Variants in SNX10 observed in about 807,000 individuals in gnomAD.
SNX10 encodes the protein sorting nexin 10.
Under a neutral mutation model 28.5 loss-of-function variants are expected in SNX10, and 25 were observed. The observed-to-expected ratio is 0.88, with a 90% confidence interval of 0.64 to 1.22. SNX10 has a LOEUF of 1.22. Ranked by LOEUF, SNX10 falls within the 50% of genes most tolerant of loss-of-function variation. The pLI is 0.00. For missense variants in SNX10, 223 were observed against 242.6 expected, an observed-to-expected ratio of 0.92 and a Z score of 0.54; for synonymous variants, 62 against 81.4, an observed-to-expected ratio of 0.76 and a Z score of 1.28.
intron 2 of SNX10, among the ~76,000 whole-genome samples, chr7:26,346,671 G>A (rs752102939): frequency 6.6e-6 from 1 of 152,114 alleles, no homozygotes; most frequent in African/African-American, 2.4e-5. Context: ...CAGCTGTGGA[G>A]CACATTCCCA....
intron 1 of SNX10, among the ~76,000 whole-genome samples, chr7:26,307,957 A>G (rs1191119477): frequency 6.6e-6 from 1 of 152,088 alleles, no homozygotes; most frequent in African/African-American, 2.4e-5. Flanking sequence ...CAGATGAATC[A>G]CTGCCATCAT....
In SNX10 at chr7:26,365,060, C is replaced by A. The variant is rs1789233794; in HGVS notation, c.226C>A (p.Leu76Ile). The change falls in exon 5 of 7, where the codon CTT (leucine) becomes ATT (isoleucine). Residue 76 changes from leucine to isoleucine, a missense_variant. Leu to Ile is a conservative substitution (Grantham distance 5). Coordinates refer to ENST00000338523, the MANE Select transcript of SNX10 (RefSeq NM_013322.3). ...SNALLVQLPE[L>I]PSKNLFFNMN... ...CTTTCTCCTAAGACAACTGCCAGAA[C>A]TTCCATCTAAAAACCTGTTTTTCAA... is the stretch of plus-strand genomic sequence containing the variant. 3 of 1,606,406 alleles carry A rather than the reference C, an allele frequency of 1.9e-6. No individual in the cohort carries two copies. Among genetic ancestry groups the A allele is most frequent in the Non-Finnish European group, 2.6e-6 (3 of 1,173,172 alleles).
At chr7:26,307,521 C>T (rs1210613384) in intron 1 of SNX10, among the ~76,000 whole-genome samples, 6 of 152,146 alleles carry the variant, frequency 3.9e-5, no homozygotes, top group East Asian at 1.9e-4. Flanking sequence ...GATCTCAGCT[C>T]GCTGCAACCT....
chr7:26,302,470 GTCTC>G (rs1196540546), intron 1 of SNX10, among the ~76,000 whole-genome samples: 1 of 134,284 alleles, frequency 7.4e-6, no homozygotes, highest in African/African-American at 2.5e-5. Flanking sequence ...CATTCACATG[GTCTC>G]CCTCTGTGTG....
At chr7:26,338,978 G>C (rs1788064257) in intron 1 of SNX10, among the ~76,000 whole-genome samples, 1 of 152,178 alleles carries the variant, frequency 6.6e-6, no homozygotes, top group Non-Finnish European at 1.5e-5. Flanking sequence ...AATTTAGGAA[G>C]GTTCAGACCC....
At chr7:26,362,467 G>C (rs1400178905) in intron 3 of SNX10, among the ~76,000 whole-genome samples, 1 of 152,182 alleles carries the variant, frequency 6.6e-6, no homozygotes, top group Non-Finnish European at 1.5e-5. Context: ...CAGAAATGAT[G>C]GGTTCCACAA....
At chr7:26,320,497 T>C (rs1384711767) in intron 1 of SNX10, among the ~76,000 whole-genome samples, 1 of 152,066 alleles carries the variant, frequency 6.6e-6, no homozygotes, top group Non-Finnish European at 1.5e-5. Context: ...AGTGGTGCGA[T>C]CTCTGCTCAC....
chr7:26,364,355 C>G lies in SNX10; in HGVS notation c.112-180C>G, dbSNP rs1334128620. The G allele has an allele frequency of 1.5e-6, 2 of 1,339,032 alleles. No homozygotes were observed. Among genetic ancestry groups the G allele is most frequent in the African/African-American group, 1.5e-5 (1 of 67,924 alleles). 82.9% of individuals were successfully genotyped at this position (1,339,032 alleles called of 1,614,324 possible). ...TTATTTCCATCATCCTGGCTGTCTT[C>G]AGGGCTGTTATGTTCCTGGGTTATG... is the stretch of plus-strand genomic sequence containing the variant. On this transcript the variant is annotated intron_variant, in intron 3 of 6. Transcript: ENST00000338523. This position sits in a 1 kb window ranked among gnomAD's most constrained non-coding sequence, Gnocchi z 4.9.
chr7:26,362,662 C>G (rs1789124894), intron 3 of SNX10, among the ~76,000 whole-genome samples: 2 of 152,178 alleles, frequency 1.3e-5, no homozygotes, highest in African/African-American at 2.4e-5. Flanking sequence ...AAGTGGATGG[C>G]AGAGCTAGGG....
intron 2 of SNX10, among the ~76,000 whole-genome samples, chr7:26,351,950 C>T (rs971454206): frequency 6.6e-6 from 1 of 151,984 alleles, no homozygotes; most frequent in Admixed American, 6.6e-5. Context: ...GCCACTGTGC[C>T]CGACCAGCAA....
At chr7:26,298,267 T>C (rs1311676506) in intron 1 of SNX10, among the ~76,000 whole-genome samples, 2 of 152,116 alleles carry the variant, frequency 1.3e-5, no homozygotes, top group African/African-American at 4.8e-5. Flanking sequence ...AGTTGCAATA[T>C]CTATAACAGG....
intron 1 of SNX10, among the ~76,000 whole-genome samples, chr7:26,330,689 C>T (rs530365799): frequency 3.3e-5 from 5 of 152,096 alleles, no homozygotes; most frequent in East Asian, 1.9e-4. Flanking sequence ...CATTGTGGCT[C>T]ATAGGAGGAG....
chr7:26,329,711 T>C (rs1787658680), intron 1 of SNX10, among the ~76,000 whole-genome samples: 1 of 152,132 alleles, frequency 6.6e-6, no homozygotes, highest in Non-Finnish European at 1.5e-5. Flanking sequence ...CATCAGGCAA[T>C]GATCACAGCG....
chr7:26,316,414 A>C (rs1562791599), intron 1 of SNX10, among the ~76,000 whole-genome samples: 1 of 152,182 alleles, frequency 6.6e-6, no homozygotes, highest in Admixed American at 6.5e-5. Context: ...TTTGCCTTGC[A>C]TTAAGTAACC....
At chr7:26,317,129 G>A (rs928586581) in intron 1 of SNX10, among the ~76,000 whole-genome samples, 1 of 152,134 alleles carries the variant, frequency 6.6e-6, no homozygotes, top group African/African-American at 2.4e-5. Context: ...CCAAATAAGG[G>A]TAATGATATT....
chr7:26,307,119 A>G (rs1297038172), intron 1 of SNX10, among the ~76,000 whole-genome samples: 3 of 152,222 alleles, frequency 2.0e-5, no homozygotes, highest in Admixed American at 1.3e-4. Context: ...GTGAGTTGCG[A>G]TGCTTTTCCT....
rs1476592557 is a variant in SNX10, at chr7:26,353,467, G to GGT, written c.24+7001_24+7002insGT. Among the ~76,000 whole-genome samples the GGT allele has an allele frequency of 3.0e-3, 425 of 142,964 alleles. 1 individual carries two copies. Among genetic ancestry groups the GGT allele is most frequent in the African/African-American group, 0.011 (410 of 38,466 alleles). The allele number at this position is 142,964 out of a possible 152,430, so 93.8% of individuals were successfully genotyped here. A position where few individuals can be genotyped will look rare whatever the true frequency, so the allele number is the denominator to read the frequency against. On this transcript the variant is annotated intron_variant, in intron 2 of 6. Transcript: ENST00000338523. The stretch of plus-strand genomic sequence containing the variant: ...TTTTTTTTTTTTTTTTTTTGGTGGG[G>GGT]AGACAGAGTCTTGGTCTGTCGGCCA...
chr7:26,322,721 G>T (rs1787355930), intron 1 of SNX10, among the ~76,000 whole-genome samples: 1 of 152,098 alleles, frequency 6.6e-6, no homozygotes, highest in Non-Finnish European at 1.5e-5. Context: ...AACAAAAAAG[G>T]TTTTGTATTC....
At chr7:26,358,647 A>C (rs1788925451) in intron 2 of SNX10, among the ~76,000 whole-genome samples, 1 of 152,038 alleles carries the variant, frequency 6.6e-6, no homozygotes, top group Non-Finnish European at 1.5e-5. Context: ...GGGTTGGCTA[A>C]GGTAGGAGGA....
Sources: allele counts gnomAD v4.1 joint callset (sites outside exome capture counted in the v4.1 genomes callset), GRCh38; gene constraint gnomAD v4.1.1; non-coding constraint Gnocchi (gnomAD v3.1); transcripts MANE v1.5; gene names NCBI Gene and HGNC (gene_info 2026-07-23, HGNC 2026-07-21).